FGF12: variants seen among roughly 807,000 people sequenced by gnomAD.
FGF12 encodes fibroblast growth factor 12.
FGF12 carries 14 observed loss-of-function variants against 23.6 expected under a neutral mutation model. The observed-to-expected ratio is 0.59, with a 90% CI of 0.39 to 0.93. The LOEUF (loss-of-function observed/expected upper bound fraction) is 0.93, where lower values mean the gene tolerates loss of function less well. Ranked by LOEUF, FGF12 falls within the 40% of genes least tolerant of loss-of-function variation. The pLI is 0.00. For synonymous variants in FGF12, 62 were observed against 77.3 expected (o/e 0.80, Z 1.04); for missense variants, 175 against 217.8 (o/e 0.80, Z 1.24).
rs185772445 is a variant in FGF12, at chr3:192,538,338, A to T, written c.14-177800T>A. 7.2e-5 allele frequency among the ~76,000 whole-genome samples: 11 copies of T among 152,188 alleles called. No individual in the cohort carries two copies. In the East Asian group the frequency reaches 2.1e-3, roughly 29 times the overall value. On this transcript the variant is annotated intron_variant, in intron 2 of 5. Coordinates refer to ENST00000445105, the MANE Select transcript of FGF12 (RefSeq NM_004113.6). Reference sequence around the variant, plus strand: ...TCTAGTTCCATTCCGCTGCGTACAGATATCCAGTTTTCTTAGCTCCACTTA... The same window carrying T: ...TCTAGTTCCATTCCGCTGCGTACAGTTATCCAGTTTTCTTAGCTCCACTTA...
chr3:192,659,396 C>T (rs1284153401), intron 2 of FGF12, among the ~76,000 whole-genome samples: 2 of 152,120 alleles, frequency 1.3e-5, no homozygotes, highest in African/African-American at 4.8e-5. Flanking sequence ...GTGGCCTCAT[C>T]CCCAGCTGAT....
At chr3:192,637,588 T>C (rs978745640) in intron 2 of FGF12, among the ~76,000 whole-genome samples, 8 of 152,174 alleles carry the variant, frequency 5.3e-5, no homozygotes, top group African/African-American at 1.7e-4. Flanking sequence ...AGAGCTGTAT[T>C]TTTAGGAAGT....
intron 2 of FGF12, among the ~76,000 whole-genome samples, chr3:192,645,050 A>G (rs1715951768): frequency 6.6e-6 from 1 of 152,206 alleles, no homozygotes; most frequent in Non-Finnish European, 1.5e-5. Context: ...AAAAAGTAGC[A>G]TATTTCGGGG....
intron 2 of FGF12, among the ~76,000 whole-genome samples, chr3:192,512,468 G>A (rs1724509456): frequency 6.6e-6 from 1 of 151,940 alleles, no homozygotes; most frequent in African/African-American, 2.4e-5. Flanking sequence ...TACTATGAGA[G>A]CTCAACTAAA....
chr3:192,597,289 T>C (rs1713899486), intron 2 of FGF12, among the ~76,000 whole-genome samples: 1 of 152,158 alleles, frequency 6.6e-6, no homozygotes, highest in African/African-American at 2.4e-5. Context: ...TATTGAATCG[T>C]TCACGCACCA....
In FGF12 at chr3:192,335,433, A is replaced by G; in HGVS notation, c.156T>C (p.Arg52=). The part of the protein sequence containing the change: ...TLFNLIPVGL[R]VVAIQGVKAS... ...CCTTCACTCCTTGGATGGCCACTACACGCAGGCCCACGGGAATTAGATTGA... is the reference window on the plus strand; with the variant it reads ...CCTTCACTCCTTGGATGGCCACTACGCGCAGGCCCACGGGAATTAGATTGA... The change falls in exon 4 of 6, where the codon CGT becomes CGC. Residue 52 remains arginine, a synonymous_variant. Transcript: ENST00000445105. The G allele has an allele frequency of 7.4e-6, 12 of 1,613,098 alleles. No individual in the cohort carries two copies. The highest frequency in any genetic ancestry group is 1.0e-5 in the Non-Finnish European group (12 of 1,179,346).
intron 2 of FGF12, among the ~76,000 whole-genome samples, chr3:192,691,637 G>C (rs1401663151): frequency 6.6e-6 from 1 of 151,336 alleles, no homozygotes; most frequent in Non-Finnish European, 1.5e-5. Flanking sequence ...ACTAGAAAAA[G>C]AAAAAGAAAC....
intron 3 of FGF12, among the ~76,000 whole-genome samples, chr3:192,357,849 C>CTGTT (rs1718545945): frequency 1.3e-5 from 2 of 152,136 alleles, no homozygotes; most frequent in Admixed American, 6.6e-5. Flanking sequence ...TTTTAAAGGA[C>CTGTT]TGTTAAGGAA....
chr3:192,182,164 A>G lies in FGF12; in HGVS notation c.229-11508T>C, dbSNP rs78490031. Among the ~76,000 whole-genome samples, 505 of 152,276 alleles carry G rather than the reference A, an allele frequency of 3.3e-3. 8 individuals carry two copies. Among genetic ancestry groups the G allele is most frequent in the East Asian group, 0.031 (163 of 5,178 alleles). ...TGTGTATTATGTATGATTGGAAAAT[A>G]TCTTGAAGCTTACACAAGCTGGTAA... On this transcript the variant is annotated intron_variant, in intron 4 of 5. Transcript: ENST00000445105.
chr3:192,363,176 C>T (rs1056476234), intron 2 of FGF12, among the ~76,000 whole-genome samples: 1 of 150,844 alleles, frequency 6.6e-6, no homozygotes, highest in African/African-American at 2.4e-5. Flanking sequence ...CAACATGGCA[C>T]ATGTATACAT....
Position 192,177,543 on chromosome 3 carries a change from C to T in FGF12, c.229-6887G>A, listed in dbSNP as rs150598563. On this transcript the variant is annotated intron_variant, in intron 4 of 5. Transcript: ENST00000445105. ...GCACTGTATAGTTAATATAATTACA[C>T]GATACCATAACCATAATTCATCTTC... Among the ~76,000 whole-genome samples, 7 of 152,308 alleles carry T rather than the reference C, an allele frequency of 4.6e-5. No homozygotes were observed. The East Asian group carries it at 9.7e-4, about 21-fold the overall frequency.
intron 2 of FGF12, among the ~76,000 whole-genome samples, chr3:192,677,167 C>A (rs747719106): frequency 6.6e-6 from 1 of 152,182 alleles, no homozygotes; most frequent in African/African-American, 2.4e-5. Context: ...ACAATAAAGA[C>A]GGCCTGTCAA....
At chr3:192,641,101 C>T (rs1715782298) in intron 2 of FGF12, among the ~76,000 whole-genome samples, 1 of 56,646 alleles carries the variant, frequency 1.8e-5, no homozygotes, top group Non-Finnish European at 3.3e-5. Flanking sequence ...TGGCCTTTCA[C>T]TTTTTTTTTT....
intron 2 of FGF12, among the ~76,000 whole-genome samples, chr3:192,375,840 G>GA (rs66633408): frequency 0.038 from 5,711 of 152,064 alleles, 160 homozygotes; most frequent in Non-Finnish European, 0.055. Flanking sequence ...CAGCATTCTG[G>GA]AAAAAAATTT....
At chr3:192,663,561 C>T (rs1716747829) in intron 2 of FGF12, among the ~76,000 whole-genome samples, 2 of 152,176 alleles carry the variant, frequency 1.3e-5, no homozygotes, top group Non-Finnish European at 2.9e-5. Flanking sequence ...CATGTCATCT[C>T]TCTGGGGGTA....
At chr3:192,344,147 T>C (rs1291255743) in intron 3 of FGF12, among the ~76,000 whole-genome samples, 1 of 152,214 alleles carries the variant, frequency 6.6e-6, no homozygotes, top group Non-Finnish European at 1.5e-5. Context: ...TGGCTCTGAA[T>C]GCTTCACTGG....
At chr3:192,704,299 A>C (rs1053025273) in intron 2 of FGF12, among the ~76,000 whole-genome samples, 2 of 152,226 alleles carry the variant, frequency 1.3e-5, no homozygotes, top group Admixed American at 1.3e-4. Flanking sequence ...TTCATGGATC[A>C]TAACTGTTTG....
At chr3:192,341,192 C>A (rs943023880) in intron 3 of FGF12, among the ~76,000 whole-genome samples, 5 of 151,980 alleles carry the variant, frequency 3.3e-5, no homozygotes, top group Non-Finnish European at 7.4e-5. Flanking sequence ...AAACAAATGG[C>A]CAACAGGTAT....
intron 2 of FGF12, among the ~76,000 whole-genome samples, chr3:192,388,631 G>A (rs1178104990): frequency 1.3e-5 from 2 of 151,868 alleles, no homozygotes; most frequent in African/African-American, 4.8e-5. Context: ...AATAAAAGTT[G>A]AAGATAGAAT....
Sources: allele counts gnomAD v4.1 joint callset (sites outside exome capture counted in the v4.1 genomes callset), GRCh38; gene constraint gnomAD v4.1.1; transcripts MANE v1.5; gene names NCBI Gene and HGNC (gene_info 2026-07-23, HGNC 2026-07-21).